The following AKT3 variants were observed in gnomAD, a reference collection of about 807,000 sequenced individuals.
AKT3 encodes RAC-gamma serine/threonine-protein kinase.
A neutral mutation model predicts 65.3 loss-of-function variants in AKT3; 15 were observed. That is an observed-to-expected ratio of 0.23 (90% CI 0.15 to 0.35). The LOEUF (loss-of-function observed/expected upper bound fraction) is 0.35. Ranked by LOEUF, AKT3 falls within the 10% of genes least tolerant of loss-of-function variation. The pLI is 1.00. For synonymous variants in AKT3, 206 were observed against 183.8 expected, an observed-to-expected ratio of 1.12 and a Z score of -0.98; for missense variants, 243 against 576.5, an observed-to-expected ratio of 0.42 and a Z score of 5.92.
chr1:243,675,839 T>TA, intron 3 of AKT3, among the ~76,000 whole-genome samples: 1 of 152,302 alleles, frequency 6.6e-6, no homozygotes, highest in East Asian at 1.9e-4. Flanking sequence ...TCTTAGGGCC[T>TA]CTACTTCCAA....
intron 5 of AKT3, among the ~76,000 whole-genome samples, chr1:243,644,190 T>A (rs1484332071): frequency 6.6e-6 from 1 of 152,230 alleles, no homozygotes; most frequent in Non-Finnish European, 1.5e-5. Flanking sequence ...TTTATGCTTA[T>A]AATGAAGTTA....
chr1:243,840,417 G>A lies in AKT3; in HGVS notation c.46+2708C>T, dbSNP rs1695169698. Among the ~76,000 whole-genome samples, 3 of 152,036 alleles carry A rather than the reference G, an allele frequency of 2.0e-5. No individual in the cohort carries two copies. The South Asian group carries it at 6.2e-4, about 31-fold the overall frequency. The stretch of plus-strand genomic sequence containing the variant: ...TGCATGGGGGGCTTAAAACCTAGGT[G>A]ACAGGTTGACAGGTGCAGCAAACCA... On this transcript the variant is annotated intron_variant, in intron 2 of 13. Transcript: ENST00000673466.
chr1:243,633,179 A>G (rs1330868220), intron 6 of AKT3, among the ~76,000 whole-genome samples: 1 of 152,232 alleles, frequency 6.6e-6, no homozygotes, highest in Non-Finnish European at 1.5e-5. Context: ...GGAGGTATCA[A>G]GACATTTCTA....
chr1:243,732,150 A>T (rs1447564537), intron 2 of AKT3, among the ~76,000 whole-genome samples: 1 of 152,138 alleles, frequency 6.6e-6, no homozygotes, highest in Non-Finnish European at 1.5e-5. Context: ...AACCTTTGCA[A>T]CCAACGCAGG....
At chr1:243,560,533 A>C (rs772827673) in intron 10 of AKT3, among the ~76,000 whole-genome samples, 3 of 152,170 alleles carry the variant, frequency 2.0e-5, no homozygotes, top group Non-Finnish European at 2.9e-5. Flanking sequence ...TAATAACAAC[A>C]ATAATCACTC....
At chr1:243,551,470 C>T (rs971542052) in intron 11 of AKT3, among the ~76,000 whole-genome samples, 1 of 151,928 alleles carries the variant, frequency 6.6e-6, no homozygotes, top group Non-Finnish European at 1.5e-5. Flanking sequence ...AAGCCATGTT[C>T]CTTACAAGGT....
intron 3 of AKT3, among the ~76,000 whole-genome samples, chr1:243,686,142 G>A (rs531430412): frequency 6.6e-6 from 1 of 152,252 alleles, no homozygotes; most frequent in South Asian, 2.1e-4. Context: ...CATGCTCATG[G>A]ATAGAAAGGA....
At chr1:243,733,629 G>A (rs889032015) in intron 2 of AKT3, among the ~76,000 whole-genome samples, 1 of 152,016 alleles carries the variant, frequency 6.6e-6, no homozygotes, top group African/African-American at 2.4e-5. Context: ...AGACCTTTTG[G>A]GTTCAGTTAC....
chr1:243,581,726 A>T (rs926036648), intron 8 of AKT3, among the ~76,000 whole-genome samples: 2 of 152,096 alleles, frequency 1.3e-5, no homozygotes, highest in African/African-American at 4.8e-5. Context: ...CACTAGCTCT[A>T]CAGAAATGGT....
chr1:243,564,864 T>A (rs1339373641), intron 9 of AKT3, among the ~76,000 whole-genome samples: 1 of 152,206 alleles, frequency 6.6e-6, no homozygotes, highest in Non-Finnish European at 1.5e-5. Flanking sequence ...TAGATTCTTA[T>A]TCTACTCCTT....
chr1:243,769,740 T>C (rs1690058840), intron 2 of AKT3, among the ~76,000 whole-genome samples: 1 of 152,238 alleles, frequency 6.6e-6, no homozygotes, highest in Admixed American at 6.5e-5. Context: ...CTCTATTCTT[T>C]TCACTTTCTT....
At chr1:243,836,998 C>G (rs1324315833) in intron 2 of AKT3, among the ~76,000 whole-genome samples, 1 of 151,282 alleles carries the variant, frequency 6.6e-6, no homozygotes, top group Non-Finnish European at 1.5e-5. Context: ...TATAATTTAC[C>G]AATATCAGGA....
intron 2 of AKT3, among the ~76,000 whole-genome samples, chr1:243,761,135 G>C (rs955664675): frequency 2.6e-5 from 4 of 152,114 alleles, no homozygotes; most frequent in Admixed American, 2.6e-4. Context: ...CACCAGAGCA[G>C]GGACTTCAAA....
intron 3 of AKT3, among the ~76,000 whole-genome samples, chr1:243,681,953 CCCT>C (rs1240163798): frequency 2.0e-5 from 3 of 152,086 alleles, no homozygotes; most frequent in African/African-American, 4.8e-5. Flanking sequence ...TCCTTAATTG[CCCT>C]CCTAATTTCC....
At chr1:243,819,764 C>A (rs1472481528) in intron 2 of AKT3, among the ~76,000 whole-genome samples, 1 of 152,216 alleles carries the variant, frequency 6.6e-6, no homozygotes, top group Non-Finnish European at 1.5e-5. Context: ...GTCGGTGCCC[C>A]TCTGGGACAG....
At chr1:243,789,717 G>C (rs952334534) in intron 2 of AKT3, among the ~76,000 whole-genome samples, 1 of 152,140 alleles carries the variant, frequency 6.6e-6, no homozygotes, top group African/African-American at 2.4e-5. Flanking sequence ...GGCCATCAGA[G>C]GAATTGCTAC....
Position 243,833,402 on chromosome 1 carries a change from C to T in AKT3, c.46+9723G>A, listed in dbSNP as rs145834407. On this transcript the variant is annotated intron_variant, in intron 2 of 13. Coordinates refer to ENST00000673466, the MANE Select transcript of AKT3 (RefSeq NM_005465.7). ...GAGGGGGAAGAAGGCACCTTCTTCA[C>T]AGGGCGGCAGGAAGGCCGAGTTAAA... is the stretch of plus-strand genomic sequence containing the variant. Among the ~76,000 whole-genome samples, 462 of 152,026 alleles carry T rather than the reference C, an allele frequency of 3.0e-3. 4 individuals are homozygous for T. The highest frequency in any genetic ancestry group is 0.011 in the African/African-American group (436 of 41,342).
intron 4 of AKT3, among the ~76,000 whole-genome samples, chr1:243,661,308 CACT>C (rs931606571): frequency 1.3e-5 from 2 of 150,954 alleles, no homozygotes; most frequent in African/African-American, 4.9e-5. Flanking sequence ...CTTCAAACTA[CACT>C]ACAAGGCTAC....
Position 243,621,851 on chromosome 1 carries a change from ATCCTGTTGGT to A in AKT3, c.562-6700_562-6691del, listed in dbSNP as rs1228100524. On this transcript the variant is annotated intron_variant, in intron 6 of 13. Coordinates refer to ENST00000673466, the MANE Select transcript of AKT3 (RefSeq NM_005465.7). ...TACTCTACATTCAATCTGTCAAGCAATCCTGTTGGTTCTTCATCAAAATACACCCAAGGTC... is the reference window on the plus strand; with the variant it reads ...TACTCTACATTCAATCTGTCAAGCAATCTTCATCAAAATACACCCAAGGTC... Among the ~76,000 whole-genome samples, 3 of 152,120 alleles carry A rather than the reference ATCCTGTTGGT, an allele frequency of 2.0e-5. No individual in the cohort carries two copies. The East Asian group carries it at 5.8e-4, about 29-fold the overall frequency.
Sources: allele counts gnomAD v4.1 joint callset (sites outside exome capture counted in the v4.1 genomes callset), GRCh38; gene constraint gnomAD v4.1.1; transcripts MANE v1.5; gene names NCBI Gene and HGNC (gene_info 2026-07-23, HGNC 2026-07-21).